FHIT: variants seen among roughly 807,000 people sequenced by gnomAD.
FHIT encodes bis(5'-adenosyl)-triphosphatase.
In FHIT, 19 loss-of-function variants were observed where a neutral mutation model predicts 17.9. The observed-to-expected ratio is 1.06, with a 90% CI of 0.74 to 1.56. The LOEUF is 1.56. Among genes scored for constraint, FHIT ranks in the 40% most tolerant of loss-of-function variants. FHIT has a pLI of 0.00. For synonymous variants in FHIT, 81 were observed against 69.7 expected (o/e 1.16, Z -0.81); for missense variants, 248 against 189.2 (o/e 1.31, Z -1.82).
In FHIT at chr3:60,791,856, A is replaced by C. The variant is rs533321125; in HGVS notation, c.-18+30063T>G. 1.4e-3 allele frequency among the ~76,000 whole-genome samples: 215 copies of C among 152,342 alleles called. 1 individual carries two copies. The highest frequency in any genetic ancestry group is 5.1e-3 in the African/African-American group (212 of 41,582). ...AGCAAAGTGAATGCTAACGTAGTCT[A>C]TCAGTAATGGACAGTGTCCTCATAA... On this transcript the variant is annotated intron_variant, in intron 4 of 9. Transcript: ENST00000492590.
At chr3:60,722,410 C>T (rs2041826758) in intron 4 of FHIT, among the ~76,000 whole-genome samples, 1 of 152,128 alleles carries the variant, frequency 6.6e-6, no homozygotes, top group Admixed American at 6.5e-5. Flanking sequence ...GCCTGATTAC[C>T]TTATTTGTCT....
At chr3:60,653,009 T>G (rs1388632927) in intron 4 of FHIT, among the ~76,000 whole-genome samples, 1 of 152,074 alleles carries the variant, frequency 6.6e-6, no homozygotes, top group Non-Finnish European at 1.5e-5. Flanking sequence ...CACCCTAAAC[T>G]GAAACTCTTC....
intron 5 of FHIT, among the ~76,000 whole-genome samples, chr3:60,064,496 C>T (rs79493630): frequency 2.0e-4 from 30 of 152,244 alleles, no homozygotes; most frequent in African/African-American, 6.7e-4. Context: ...GAATTTTGAC[C>T]GCATAGTAAA....
chr3:60,787,017 AC>A (rs1201549871), intron 4 of FHIT, among the ~76,000 whole-genome samples: 1,884 of 150,016 alleles, frequency 0.013, 38 homozygotes, highest in African/African-American at 0.044. Flanking sequence ...AAAAAAAAAA[AC>A]AAAACAGAAG....
intron 8 of FHIT, among the ~76,000 whole-genome samples, chr3:59,916,190 T>A (rs923860611): frequency 9.2e-5 from 14 of 152,130 alleles, no homozygotes; most frequent in African/African-American, 3.4e-4. Flanking sequence ...TGGAAAGAGC[T>A]GACTTGCTGA....
chr3:60,478,499 GAA>G (rs529285240), intron 5 of FHIT, among the ~76,000 whole-genome samples: 19 of 152,258 alleles, frequency 1.2e-4, no homozygotes, highest in African/African-American at 4.3e-4. Context: ...TTGCGGCAAA[GAA>G]AGTGCACTTT....
chr3:59,857,973 C>T (rs1702238843), intron 8 of FHIT, among the ~76,000 whole-genome samples: 1 of 152,132 alleles, frequency 6.6e-6, no homozygotes. Flanking sequence ...CCAGAGCTTC[C>T]AGTTCCCCTA....
At chr3:60,942,902 C>G (rs1708482401) in intron 3 of FHIT, among the ~76,000 whole-genome samples, 1 of 152,160 alleles carries the variant, frequency 6.6e-6, no homozygotes, top group South Asian at 2.1e-4. Flanking sequence ...TAATTTCTAT[C>G]ATCATTTTTC....
At chr3:60,097,869 C>A (rs1190414146) in intron 5 of FHIT, among the ~76,000 whole-genome samples, 1 of 122,158 alleles carries the variant, frequency 8.2e-6, no homozygotes, top group Non-Finnish European at 1.7e-5. Context: ...CCCCCCGCCC[C>A]CCACCCCACA....
At chr3:60,206,844 G>A (rs1006561723) in intron 5 of FHIT, among the ~76,000 whole-genome samples, 4 of 151,902 alleles carry the variant, frequency 2.6e-5, no homozygotes, top group Admixed American at 6.6e-5. Context: ...ATTTAATTTG[G>A]TGTCCACTGT....
At chr3:60,486,905 TGCA>T (rs2033866924) in intron 5 of FHIT, among the ~76,000 whole-genome samples, 1 of 152,110 alleles carries the variant, frequency 6.6e-6, no homozygotes, top group Non-Finnish European at 1.5e-5. Flanking sequence ...CATTACAAAA[TGCA>T]ACTACAGACT....
At chr3:60,666,869 T>C (rs1189939519) in intron 4 of FHIT, among the ~76,000 whole-genome samples, 40 of 147,628 alleles carry the variant, frequency 2.7e-4, no homozygotes, top group African/African-American at 9.7e-4. Context: ...CTTTTCTTTT[T>C]TTTTTTTTTT....
intron 5 of FHIT, among the ~76,000 whole-genome samples, chr3:60,037,679 G>T (rs1701276187): frequency 6.6e-6 from 1 of 150,720 alleles, no homozygotes; most frequent in Middle Eastern, 3.5e-3. Flanking sequence ...ACTGCACCCG[G>T]CCTAAAACCA....
chr3:60,638,634 A>C (rs2039649447), intron 4 of FHIT, among the ~76,000 whole-genome samples: 1 of 152,110 alleles, frequency 6.6e-6, no homozygotes, highest in Non-Finnish European at 1.5e-5. Context: ...TGTGGAGCAA[A>C]GTTCAGGAAT....
intron 5 of FHIT, among the ~76,000 whole-genome samples, chr3:60,164,013 A>G: frequency 6.6e-6 from 1 of 152,284 alleles, no homozygotes; most frequent in East Asian, 1.9e-4. Context: ...TCAAATGTCC[A>G]GTGTTCAGGG....
intron 8 of FHIT, among the ~76,000 whole-genome samples, chr3:59,808,873 A>C (rs1438783578): frequency 6.6e-6 from 1 of 152,148 alleles, no homozygotes; most frequent in Non-Finnish European, 1.5e-5. Context: ...CACACACAAA[A>C]GACACCAAAA....
intron 2 of FHIT, among the ~76,000 whole-genome samples, chr3:61,145,154 A>G (rs9812158): frequency 0.3 from 45,798 of 151,978 alleles, 7,704 homozygotes; most frequent in East Asian, 0.72. Context: ...TTGCCAAGGG[A>G]TTTTATACTG....
At chr3:60,339,279 C>G (rs537553045) in intron 5 of FHIT, among the ~76,000 whole-genome samples, 2 of 152,092 alleles carry the variant, frequency 1.3e-5, no homozygotes, top group South Asian at 4.2e-4. Flanking sequence ...TTTCCTAAAC[C>G]TCTTCAGTAT....
intron 7 of FHIT, among the ~76,000 whole-genome samples, chr3:59,966,031 A>G (rs1179019247): frequency 6.6e-6 from 1 of 152,206 alleles, no homozygotes; most frequent in East Asian, 1.9e-4. Flanking sequence ...ATTTGAAAAC[A>G]TCTAAGTAAA....
Sources: gnomAD v4.1 joint callset for allele counts (sites outside exome capture counted in the v4.1 genomes callset) on GRCh38, gnomAD v4.1.1 for gene constraint, MANE v1.5 for transcripts, NCBI Gene and HGNC (gene_info 2026-07-23, HGNC 2026-07-21) for gene names.